The following SMIM36 variants were observed in gnomAD, a reference collection of about 807,000 sequenced individuals.
SMIM36 encodes the protein small integral membrane protein 36.
chr17:55,492,444 C>G (rs1426325123), intron 1 of SMIM36, among the ~76,000 whole-genome samples: 2 of 151,280 alleles, frequency 1.3e-5, no homozygotes, highest in African/African-American at 4.8e-5. Context: ...TGGGGTTTCA[C>G]CATGTTGGCC....
chr17:55,461,499 T>C (rs1262071840), intron 4 of SMIM36, among the ~76,000 whole-genome samples: 8 of 152,042 alleles, frequency 5.3e-5, no homozygotes, highest in Non-Finnish European at 7.4e-5. Context: ...GGACTGATTA[T>C]AGAGAAGCAG....
intron 4 of SMIM36, among the ~76,000 whole-genome samples, chr17:55,460,709 T>G (rs895145121): frequency 5.3e-5 from 8 of 151,684 alleles, no homozygotes; most frequent in African/African-American, 1.9e-4. Flanking sequence ...TACAAAAAAA[T>G]TAGCTGGGCA....
intron 1 of SMIM36, among the ~76,000 whole-genome samples, chr17:55,480,275 A>C (rs1909498057): frequency 6.6e-6 from 1 of 151,694 alleles, no homozygotes; most frequent in Non-Finnish European, 1.5e-5. Flanking sequence ...CCTCTTGATT[A>C]CCTAAAGCCC....
intron 3 of SMIM36, among the ~76,000 whole-genome samples, chr17:55,469,181 C>T (rs2143254848): frequency 6.6e-6 from 1 of 152,240 alleles, no homozygotes; most frequent in East Asian, 1.9e-4. Context: ...CCTCCACTCC[C>T]CCACCCTATA....
chr17:55,512,483 G>A (rs144627949), upstream of SMIM36, among the ~76,000 whole-genome samples: 3,458 of 152,306 alleles, frequency 0.023, 65 homozygotes, highest in South Asian at 0.053. Context: ...CTGCCTCAAG[G>A]ATGCAGAAAA....
At chr17:55,460,871 C>CA (rs1173728579) in intron 4 of SMIM36, among the ~76,000 whole-genome samples, 10 of 151,274 alleles carry the variant, frequency 6.6e-5, no homozygotes, top group Non-Finnish European at 1.0e-4. Flanking sequence ...AAAACAAAAA[C>CA]AAAAAAAACC....
intron 1 of SMIM36, among the ~76,000 whole-genome samples, chr17:55,501,880 C>T (rs1035748123): frequency 5.1e-5 from 5 of 98,648 alleles, no homozygotes; most frequent in Non-Finnish European, 7.7e-5. Context: ...GCGCACAGTG[C>T]GCGAGCCGAA....
chr17:55,526,855 A>C, the SMIM36 span: 1 of 152,070 alleles, frequency 6.6e-6, no homozygotes. Flanking sequence ...TTTCCCCTAT[A>C]ATAATGCATT....
intron 4 of SMIM36, chr17:55,458,081 T>C (rs1909061850): frequency 6.6e-6 from 1 of 152,216 alleles, no homozygotes; most frequent in South Asian, 2.1e-4. Context: ...ATGAATGCAA[T>C]ATATACTACT....
chr17:55,500,820 T>TAAA (rs1311512356), intron 1 of SMIM36, among the ~76,000 whole-genome samples: 1 of 32,428 alleles, frequency 3.1e-5, no homozygotes, highest in African/African-American at 8.9e-5. Context: ...TAATATATTA[T>TAAA]ATTTTATAAT....
chr17:55,474,865 T>C (rs1436962404), intron 3 of SMIM36, among the ~76,000 whole-genome samples: 1 of 152,172 alleles, frequency 6.6e-6, no homozygotes, highest in Non-Finnish European at 1.5e-5. Flanking sequence ...ACTATGGAGT[T>C]ACTATGACAC....
At chr17:55,478,192 C>CA (rs1555620980) in intron 3 of SMIM36, among the ~76,000 whole-genome samples, 1 of 150,268 alleles carries the variant, frequency 6.7e-6, no homozygotes, top group Non-Finnish European at 1.5e-5. Context: ...CTCCTCCCCC[C>CA]ACCCAAAAAA....
chr17:55,510,844 G>A, intron 1 of SMIM36, 35 bp downstream of exon 1: 1 of 347,016 alleles, frequency 2.9e-6, no homozygotes, highest in Non-Finnish European at 5.2e-6. Context: ...TTTGCATTTG[G>A]AGAATTTGAC....
At chr17:55,508,689 G>A (rs941104697) in intron 1 of SMIM36, among the ~76,000 whole-genome samples, 9 of 151,670 alleles carry the variant, frequency 5.9e-5, no homozygotes, top group Non-Finnish European at 1.3e-4. Flanking sequence ...TTGGGAGGCC[G>A]AGGTGGGCGG....
intron 4 of SMIM36, among the ~76,000 whole-genome samples, chr17:55,450,910 G>T (rs1457462294): frequency 4.0e-5 from 6 of 151,530 alleles, no homozygotes; most frequent in African/African-American, 1.5e-4. Flanking sequence ...TTTTTGAGAC[G>T]GAGTCTCGCT....
chr17:55,458,588 C>A (rs1168119480), intron 4 of SMIM36: 1 of 138,316 alleles, frequency 7.2e-6, no homozygotes, highest in East Asian at 2.5e-4. Flanking sequence ...CCCCGTACCA[C>A]ACACACATCC....
chr17:55,474,077 C>A (rs1401636426), intron 3 of SMIM36, among the ~76,000 whole-genome samples: 2 of 152,130 alleles, frequency 1.3e-5, no homozygotes, highest in African/African-American at 4.8e-5. Flanking sequence ...CACGCGGACC[C>A]CCTTAGAGTT....
chr17:55,528,937 A>T, the SMIM36 span, among the ~76,000 whole-genome samples: 8 of 152,248 alleles, frequency 5.3e-5, no homozygotes, highest in African/African-American at 1.9e-4. Flanking sequence ...TATACAGAAA[A>T]GTAGCTAAAG....
chr17:55,507,630 A>G (rs1910098724), intron 1 of SMIM36, among the ~76,000 whole-genome samples: 1 of 140,564 alleles, frequency 7.1e-6, no homozygotes, highest in South Asian at 2.6e-4. Flanking sequence ...CTAATGCTAG[A>G]TGACGAGTTA....
Sources: allele counts gnomAD v4.1 joint callset (sites outside exome capture counted in the v4.1 genomes callset), GRCh38; gene constraint gnomAD v4.1.1; transcripts MANE v1.5; gene names NCBI Gene and HGNC (gene_info 2026-07-23, HGNC 2026-07-21).